Variants in SEMA6A observed in about 807,000 individuals in gnomAD.
SEMA6A encodes the protein semaphorin-6A.
SEMA6A carries 25 observed loss-of-function variants against 96.8 expected under a neutral mutation model. The observed-to-expected ratio is 0.26, with a 90% CI of 0.19 to 0.36. The LOEUF is 0.36. Among genes scored for constraint, SEMA6A ranks in the 10% least tolerant of loss-of-function variants. The pLI, the probability that SEMA6A is intolerant of heterozygous loss-of-function variation, is 1.00. For missense variants in SEMA6A, 1,363 were observed against 1,323.1 expected, an observed-to-expected ratio of 1.03 and a Z score of -0.47; for synonymous variants, 612 against 518.0, an observed-to-expected ratio of 1.18 and a Z score of -2.46.
At position 116,446,439 on chromosome 5, in the gene SEMA6A, G is replaced by A. The variant is rs974887677; in HGVS notation, c.*174C>T. 2 of 523,636 alleles carry A rather than the reference G, an allele frequency of 3.8e-6. No individual in the cohort carries two copies. Among genetic ancestry groups the A allele is most frequent in the Non-Finnish European group, 3.2e-6 (1 of 308,152 alleles). The allele number at this position is 523,636 out of a possible 1,614,324, so 32.4% of individuals were successfully genotyped here. A position where few individuals can be genotyped will look rare whatever the true frequency, so the allele number is the denominator to read the frequency against. The stretch of plus-strand genomic sequence containing the variant: ...CCGTTGCAAACCTTCACCAAACCAC[G>A]CGGCCCAGTTTTCGTGAGTACCCCT... On this transcript the variant is annotated 3_prime_UTR_variant, in exon 19 of 19. Transcript: ENST00000343348.
chr5:116,456,755 A>C (rs535400566), intron 18 of SEMA6A, among the ~76,000 whole-genome samples: 26 of 152,274 alleles, frequency 1.7e-4, no homozygotes, highest in African/African-American at 5.8e-4. Flanking sequence ...AGTGCAGAAG[A>C]AGCAGAATGC....
chr5:116,483,798 T>C (rs1756907644), intron 10 of SEMA6A, among the ~76,000 whole-genome samples: 1 of 152,194 alleles, frequency 6.6e-6, no homozygotes, highest in South Asian at 2.1e-4. Flanking sequence ...GCGAAGTGGC[T>C]CACGCCTATA....
chr5:116,568,821 T>TACACACAC (rs10531207), intron 1 of SEMA6A, among the ~76,000 whole-genome samples: 1 of 150,642 alleles, frequency 6.6e-6, no homozygotes, highest in African/African-American at 2.4e-5. Flanking sequence ...TGGAAGATTG[T>TACACACAC]ACACACACAC....
At position 116,574,669 on chromosome 5, in the gene SEMA6A, G is replaced by A. The variant is rs1004315180; in HGVS notation, c.-523C>T. 3 of 152,360 alleles carry A rather than the reference G, an allele frequency of 2.0e-5. No homozygotes were observed. Among genetic ancestry groups the A allele is most frequent in the Non-Finnish European group, 2.9e-5 (2 of 68,172 alleles). The allele number at this position is 152,360 out of a possible 1,614,324, so 9.4% of individuals were successfully genotyped here. On this transcript the variant is annotated 5_prime_UTR_variant, in exon 1 of 19. Transcript: ENST00000343348. ...CCGGCAGCGCGGTGCCGCGGGTGTGGTGATGCTGGCCGCTGCTACACGCTG... is the reference window on the plus strand; with the variant it reads ...CCGGCAGCGCGGTGCCGCGGGTGTGATGATGCTGGCCGCTGCTACACGCTG...
At position 116,447,656 on chromosome 5, in the gene SEMA6A, C is replaced by T. The variant is rs1387459454; in HGVS notation, c.2050G>A (p.Val684Met). 6.2e-7 allele frequency: 1 copy of T among 1,613,898 alleles called. No individual in the cohort carries two copies. The highest frequency in any genetic ancestry group is 1.3e-5 in the African/African-American group (1 of 74,934). ...CDHRRKDVAV[V>M]QRKEKELTHS... ...GTGAGCTCCTTCTCCTTGCGCTGCACCACAGCCACGTCTTTGCGCCGATGA... is the reference window on the plus strand; with the variant it reads ...GTGAGCTCCTTCTCCTTGCGCTGCATCACAGCCACGTCTTTGCGCCGATGA... The change falls in exon 19 of 19, where the codon GTG becomes ATG. Residue 684 changes from valine (V) to methionine (M), a missense_variant. Physicochemically the swap from Val to Met is conservative, Grantham distance 21. Transcript: ENST00000343348.
In SEMA6A at chr5:116,444,931, T is replaced by A. The variant is rs1754093721; in HGVS notation, c.*1682A>T. On this transcript the variant is annotated 3_prime_UTR_variant, in exon 19 of 19. Transcript: ENST00000343348. ...AGGAATGGGACGTTAGTCCCTTTTC[T>A]GCTAGCAAATAAGGATATCACCGTA... 6.5e-6 allele frequency: 1 copy of A among 152,716 alleles called. No homozygotes were observed. The highest frequency in any genetic ancestry group is 1.5e-5 in the Non-Finnish European group (1 of 68,064). The allele number at this position is 152,716 out of a possible 1,614,324, so 9.5% of individuals were successfully genotyped here.
At chr5:116,538,474 T>C (rs1030692918) in intron 1 of SEMA6A, among the ~76,000 whole-genome samples, 1 of 152,196 alleles carries the variant, frequency 6.6e-6, no homozygotes, top group Non-Finnish European at 1.5e-5. Flanking sequence ...GCCACCTCAG[T>C]GTGCTGGGAT....
At chr5:116,474,460 A>G (rs542145555) in intron 16 of SEMA6A, among the ~76,000 whole-genome samples, 1 of 152,334 alleles carries the variant, frequency 6.6e-6, no homozygotes, top group South Asian at 2.1e-4. Flanking sequence ...ATGCTTATTT[A>G]TTAACTCATC....
chr5:116,447,728 C>T lies in SEMA6A; in HGVS notation c.1978G>A (p.Val660Ile), dbSNP rs1367894060. The change falls in exon 19 of 19, where the codon GTC becomes ATC. Residue 660 changes from valine to isoleucine, a missense_variant. This residue lies in a region of SEMA6A where 883 missense variants were observed against 763.6 expected (regional missense o/e 1.16). Transcript: ENST00000343348. Reference protein sequence around the residue: ...LLAIAVILAFVMGAVFSGITV... With the variant: ...LLAIAVILAFIMGAVFSGITV... ...ATGCCCGAGAAGACGGCCCCCATGACGAAAGCCAGGATGACTGCAATGGCC... is the reference window on the plus strand; with the variant it reads ...ATGCCCGAGAAGACGGCCCCCATGATGAAAGCCAGGATGACTGCAATGGCC... The T allele has an allele frequency of 3.1e-6, 5 of 1,613,900 alleles. No homozygotes were observed. Among genetic ancestry groups the T allele is most frequent in the Non-Finnish European group, 2.5e-6 (3 of 1,179,828 alleles).
chr5:116,454,836 A>G (rs1002887468), intron 18 of SEMA6A, among the ~76,000 whole-genome samples: 2 of 150,822 alleles, frequency 1.3e-5, no homozygotes, highest in Non-Finnish European at 3.0e-5. Flanking sequence ...GTGTGTGTGT[A>G]TGTATGTGTT....
chr5:116,466,839 C>T (rs1478787428), intron 18 of SEMA6A, among the ~76,000 whole-genome samples: 5 of 152,144 alleles, frequency 3.3e-5, no homozygotes, highest in African/African-American at 1.2e-4. Flanking sequence ...GTAAAGGCCT[C>T]TTTGGTTGCA....
intron 18 of SEMA6A, among the ~76,000 whole-genome samples, chr5:116,448,589 C>A (rs1243238463): frequency 6.6e-6 from 1 of 152,028 alleles, no homozygotes; most frequent in African/African-American, 2.4e-5. Flanking sequence ...CAGTTGGGAT[C>A]TTTTCCGACG....
intron 1 of SEMA6A, among the ~76,000 whole-genome samples, chr5:116,565,990 G>A (rs1006659354): frequency 1.3e-5 from 2 of 151,746 alleles, no homozygotes; most frequent in African/African-American, 4.8e-5. Context: ...TTTAAAAAAC[G>A]AATCAGGAAT....
chr5:116,505,767 G>A (rs1336890243), intron 1 of SEMA6A, among the ~76,000 whole-genome samples: 1 of 151,726 alleles, frequency 6.6e-6, no homozygotes, highest in African/African-American at 2.4e-5. Flanking sequence ...AAAAATGTCA[G>A]ATATACTGTT....
intron 15 of SEMA6A, among the ~76,000 whole-genome samples, chr5:116,477,055 GA>G (rs1397298542): frequency 4.6e-5 from 7 of 152,208 alleles, no homozygotes; most frequent in Admixed American, 4.6e-4. Flanking sequence ...TGGATCTGAG[GA>G]GGTTGAAGAA....
chr5:116,539,670 C>T (rs1284021392), intron 1 of SEMA6A, among the ~76,000 whole-genome samples: 1 of 151,556 alleles, frequency 6.6e-6, no homozygotes, highest in Non-Finnish European at 1.5e-5. Context: ...CTAAAATATA[C>T]ATAATAACTG....
Position 116,476,555 on chromosome 5 carries a change from C to T in SEMA6A, c.1650-952G>A, listed in dbSNP as rs56399637. On this transcript the variant is annotated intron_variant, in intron 15 of 18. Transcript: ENST00000343348. ...TATTCATCATGCCCTGGAGCCCACT[C>T]TCCAAAGGGAACGCCCCATGTTTTA... 6.3e-3 allele frequency among the ~76,000 whole-genome samples: 953 copies of T among 152,298 alleles called. 7 individuals are homozygous for T. Among genetic ancestry groups the T allele is most frequent in the Non-Finnish European group, 0.01 (684 of 68,022 alleles).
At chr5:116,497,469 A>T in intron 3 of SEMA6A, 82 bp from the exon 4 acceptor site, 1 of 790,100 alleles carries the variant, frequency 1.3e-6, no homozygotes, top group Non-Finnish European at 2.1e-6. Context: ...ATGTCTTATC[A>T]GGGCAGATAA....
intron 18 of SEMA6A, among the ~76,000 whole-genome samples, chr5:116,453,596 GT>G (rs1162185908): frequency 1.3e-5 from 2 of 152,166 alleles, no homozygotes; most frequent in Non-Finnish European, 2.9e-5. Flanking sequence ...TAAAAAAGAG[GT>G]TTAGAAGATC....
Sources: gnomAD v4.1 joint callset for allele counts (sites outside exome capture counted in the v4.1 genomes callset) on GRCh38, gnomAD v4.1.1 for gene constraint, gnomAD v4.1.1 regional missense constraint, MANE v1.5 for transcripts, NCBI Gene and HGNC (gene_info 2026-07-23, HGNC 2026-07-21) for gene names.